The following THADA variants were observed in gnomAD, a reference collection of about 807,000 sequenced individuals.
The protein encoded by THADA is THADA armadillo repeat containing.
In THADA, 213 loss-of-function variants were observed where a neutral mutation model predicts 219.8. The observed-to-expected ratio is 0.97, with a 90% CI of 0.87 to 1.09. The LOEUF (loss-of-function observed/expected upper bound fraction) is 1.09. Ranked by LOEUF, THADA falls within the 50% of genes least tolerant of loss-of-function variation. The pLI is 0.00. For synonymous variants in THADA, 1,018 were observed against 828.9 expected, an observed-to-expected ratio of 1.23 and a Z score of -3.92; for missense variants, 2,956 against 2,311.3, an observed-to-expected ratio of 1.28 and a Z score of -5.72.
chr2:43,554,370 C>G (rs1230063947), intron 17 of THADA, among the ~76,000 whole-genome samples: 1 of 152,124 alleles, frequency 6.6e-6, no homozygotes, highest in Non-Finnish European at 1.5e-5. Flanking sequence ...CCCCTCAACG[C>G]CTTGGAAGGA....
At chr2:43,582,072 T>G in intron 7 of THADA, 144 bp from the exon 8 acceptor site, 1 of 624,958 alleles carries the variant, frequency 1.6e-6, no homozygotes, top group Non-Finnish European at 2.6e-6. Context: ...CTTCCATTCC[T>G]ATAAACATTC....
intron 8 of THADA, among the ~76,000 whole-genome samples, chr2:43,580,794 C>T (rs1700350407): frequency 6.6e-6 from 1 of 151,796 alleles, no homozygotes; most frequent in Non-Finnish European, 1.5e-5. Flanking sequence ...GCAAGAAAAT[C>T]GCTTGAATCT....
intron 36 of THADA, among the ~76,000 whole-genome samples, chr2:43,235,968 G>A (rs545752217): frequency 3.3e-5 from 5 of 152,148 alleles, no homozygotes; most frequent in Middle Eastern, 3.4e-3. Flanking sequence ...CACCACGCCC[G>A]GCTAAATTTT....
chr2:43,391,249 AAC>A (rs763320765), intron 29 of THADA, among the ~76,000 whole-genome samples: 8 of 152,142 alleles, frequency 5.3e-5, no homozygotes, highest in Non-Finnish European at 8.8e-5. Flanking sequence ...TCTGATCCTG[AAC>A]AGTTACAAAC....
chr2:43,354,469 C>T (rs959402637), intron 29 of THADA, among the ~76,000 whole-genome samples: 4 of 151,610 alleles, frequency 2.6e-5, no homozygotes. Flanking sequence ...TTCATTCTAT[C>T]TAATTAACTA....
intron 29 of THADA, among the ~76,000 whole-genome samples, chr2:43,394,188 ATG>A (rs1461594554): frequency 6.6e-6 from 1 of 152,158 alleles, no homozygotes; most frequent in Non-Finnish European, 1.5e-5. Context: ...ACCTTTTCTA[ATG>A]TGTGTTACTT....
intron 16 of THADA, among the ~76,000 whole-genome samples, chr2:43,558,751 T>C (rs1352065995): frequency 2.0e-5 from 3 of 152,164 alleles, no homozygotes; most frequent in African/African-American, 7.2e-5. Flanking sequence ...AACTCTCCTT[T>C]ATATATACAT....
At chr2:43,568,957 CT>C (rs1698991515) in intron 14 of THADA, among the ~76,000 whole-genome samples, 1 of 152,006 alleles carries the variant, frequency 6.6e-6, no homozygotes, top group African/African-American at 2.4e-5. Flanking sequence ...ATTCTAGTCA[CT>C]TTTAAAATTT....
intron 12 of THADA, among the ~76,000 whole-genome samples, 195 bp downstream of exon 12, chr2:43,572,619 T>C (rs1262479211): frequency 6.6e-6 from 1 of 152,184 alleles, no homozygotes; most frequent in Non-Finnish European, 1.5e-5. Flanking sequence ...TAAGTTTTCT[T>C]ACATCCTCAA....
intron 16 of THADA, among the ~76,000 whole-genome samples, chr2:43,558,572 A>T (rs909668544): frequency 6.6e-6 from 1 of 152,204 alleles, no homozygotes; most frequent in African/African-American, 2.4e-5. Context: ...GAACATGGAA[A>T]GATTAGACTG....
At chr2:43,493,838 T>C (rs917158927) in intron 25 of THADA, among the ~76,000 whole-genome samples, 5 of 152,154 alleles carry the variant, frequency 3.3e-5, no homozygotes, top group African/African-American at 7.2e-5. Context: ...GCCACCACCA[T>C]CTTTTGGTAG....
intron 8 of THADA, 121 bp from the exon 9 acceptor site, chr2:43,578,728 G>T: frequency 1.9e-6 from 1 of 524,176 alleles, no homozygotes. Flanking sequence ...CCACTTCCTG[G>T]GTGAATAGGT....
Position 43,467,007 on chromosome 2 carries a change from C to T in THADA, c.3836+18227G>A, listed in dbSNP as rs1684321744. Among the ~76,000 whole-genome samples the T allele has an allele frequency of 3.3e-5, 5 of 151,436 alleles. No homozygotes were observed. In the South Asian group the frequency reaches 1.0e-3, roughly 32 times the overall value. ...ACCATCCTGGCTAACACGGTGAAAC[C>T]CCGTCTCTACTAAAAATACAAAAAA... On this transcript the variant is annotated intron_variant, in intron 26 of 37. Transcript: ENST00000405975.
At chr2:43,491,093 T>C (rs1687577000) in intron 25 of THADA, among the ~76,000 whole-genome samples, 1 of 152,296 alleles carries the variant, frequency 6.6e-6, no homozygotes, top group African/African-American at 2.4e-5. Flanking sequence ...CTGTTTCAGG[T>C]ATTGCTTTGT....
chr2:43,541,048 G>C, intron 21 of THADA, 111 bp downstream of exon 21: 1 of 1,059,414 alleles, frequency 9.4e-7, no homozygotes. Flanking sequence ...ACATTTGTAT[G>C]ATTTTATTCA....
chr2:43,269,752 A>G (rs538828845), intron 36 of THADA, among the ~76,000 whole-genome samples: 2 of 152,202 alleles, frequency 1.3e-5, no homozygotes, highest in East Asian at 3.9e-4. Context: ...CTCACCCTCC[A>G]CTGGTTCACA....
chr2:43,570,542 AG>A (rs775480176), intron 13 of THADA, 32 bp from the exon 14 acceptor site: 1 of 1,584,946 alleles, frequency 6.3e-7, no homozygotes, highest in Admixed American at 1.9e-5. Context: ...AGCACAGGTG[AG>A]CCACACATTA....
chr2:43,577,328 C>T lies in THADA; in HGVS notation c.817-86G>A, dbSNP rs1699965857. The T allele has an allele frequency of 8.4e-6, 9 of 1,077,180 alleles. No homozygotes were observed. The East Asian group carries it at 2.1e-4, about 25-fold the overall frequency. The allele number at this position is 1,077,180 out of a possible 1,614,324, so 66.7% of individuals were successfully genotyped here. ...AAAATACAAACCCAAACATCTCTTT[C>T]CCCTGAAAAATCCTAGGAAAAATGA... On this transcript the variant is annotated intron_variant, in intron 9 of 37. Transcript: ENST00000405975.
intron 36 of THADA, among the ~76,000 whole-genome samples, chr2:43,245,407 A>G (rs1332304824): frequency 6.6e-6 from 1 of 152,084 alleles, no homozygotes; most frequent in Non-Finnish European, 1.5e-5. Flanking sequence ...CCCTGACCTC[A>G]GGTGATCCAC....
Sources: gnomAD v4.1 joint callset for allele counts (sites outside exome capture counted in the v4.1 genomes callset) on GRCh38, gnomAD v4.1.1 for gene constraint, MANE v1.5 for transcripts, NCBI Gene and HGNC (gene_info 2026-07-23, HGNC 2026-07-21) for gene names.